Variants in PDIA5 observed in about 807,000 individuals in gnomAD.
PDIA5 encodes the protein protein disulfide-isomerase A5.
PDIA5 carries 58 observed loss-of-function variants against 77.6 expected under a neutral mutation model. That is an observed-to-expected ratio of 0.75 (90% CI 0.61 to 0.93). PDIA5 has a LOEUF of 0.93. PDIA5 is among the 40% of genes least tolerant of loss of function. The probability of loss-of-function intolerance (pLI) is 0.00; values close to 1 mark genes in which losing one functional copy is unlikely to be tolerated. For synonymous variants in PDIA5, 250 were observed against 252.1 expected (o/e 0.99, Z 0.08); for missense variants, 630 against 647.7 (o/e 0.97, Z 0.30).
At chr3:123,159,253 G>A (rs1169422317) in intron 15 of PDIA5, among the ~76,000 whole-genome samples, 1 of 152,248 alleles carries the variant, frequency 6.6e-6, no homozygotes, top group Non-Finnish European at 1.5e-5. Context: ...GGGAAGGAAA[G>A]TATGTGGATG....
intron 2 of PDIA5, 99 bp from the exon 3 acceptor site, chr3:123,092,256 A>G (rs1265475143): frequency 3.3e-6 from 3 of 907,918 alleles, no homozygotes; most frequent in African/African-American, 3.3e-5. Context: ...CACCCCCTCT[A>G]GGATTGGTCT....
At chr3:123,133,778 C>G (rs572581613) in intron 11 of PDIA5, among the ~76,000 whole-genome samples, 21 of 152,192 alleles carry the variant, frequency 1.4e-4, no homozygotes, top group Admixed American at 1.3e-3. Context: ...TTTGAAGTAC[C>G]CCAACAAACC....
chr3:123,161,664 A>C lies in PDIA5; in HGVS notation c.1479+209A>C, dbSNP rs73856861. ...GGGTTGCCACAGATGTCCTGTCCCC[A>C]GAGGCAGGCTGGACTCCAGATGCCG... On this transcript the variant is annotated intron_variant, in intron 16 of 16. Transcript: ENST00000316218. 5,200 of 657,292 alleles carry C rather than the reference A, an allele frequency of 7.9e-3. 205 individuals are homozygous for C. The African/African-American group carries it at 0.084, about 11-fold the overall frequency. The allele number at this position is 657,292 out of a possible 1,614,324, so 40.7% of individuals were successfully genotyped here. A position where few individuals can be genotyped will look rare whatever the true frequency, so the allele number is the denominator to read the frequency against.
rs563602372 is a variant in PDIA5, at chr3:123,082,833, T to C, written c.43-6335T>C. ...TCCTCTCCACCTTGTAGGTGGGGAG[T>C]TGACACTCAGAGGTCTAGTAACAGG... On this transcript the variant is annotated intron_variant, in intron 1 of 16. Coordinates refer to ENST00000316218, the MANE Select transcript of PDIA5 (RefSeq NM_006810.4). 2.6e-5 allele frequency among the ~76,000 whole-genome samples: 4 copies of C among 151,976 alleles called. No homozygotes were observed. The East Asian group carries it at 5.8e-4, about 22-fold the overall frequency.
At chr3:123,070,475 G>T (rs1409296684) in intron 1 of PDIA5, among the ~76,000 whole-genome samples, 3 of 152,182 alleles carry the variant, frequency 2.0e-5, no homozygotes, top group African/African-American at 4.8e-5. Flanking sequence ...GTTGCTTTGG[G>T]AACCCTTAGC....
intron 6 of PDIA5, among the ~76,000 whole-genome samples, chr3:123,110,054 T>C (rs1165776411): frequency 6.6e-6 from 1 of 152,250 alleles, no homozygotes; most frequent in African/African-American, 2.4e-5. Flanking sequence ...TAAAATGTGG[T>C]TGAGCAGCTT....
chr3:123,120,689 A>AT (rs1365002306), intron 8 of PDIA5, among the ~76,000 whole-genome samples: 6 of 152,082 alleles, frequency 3.9e-5, no homozygotes, highest in Admixed American at 3.9e-4. Context: ...CTCCATCTGG[A>AT]TTTTTTCCCT....
chr3:123,157,817 G>A (rs886399976), intron 15 of PDIA5, among the ~76,000 whole-genome samples: 1 of 152,246 alleles, frequency 6.6e-6, no homozygotes, highest in Non-Finnish European at 1.5e-5. Context: ...GTTAGTGTTG[G>A]AACAGATGGT....
chr3:123,089,365 C>T lies in PDIA5; in HGVS notation c.169+71C>T, dbSNP rs1934229043. ...GGGATTCAGGGGAAGGAGTGGGAGG[C>T]AGGAGACGTTAGGATGAAAACCACT... On this transcript the variant is annotated intron_variant, in intron 2 of 16. Coordinates refer to ENST00000316218, the MANE Select transcript of PDIA5 (RefSeq NM_006810.4). The T allele has an allele frequency of 1.6e-5, 24 of 1,499,650 alleles. No individual in the cohort carries two copies. The South Asian group carries it at 2.6e-4, about 16-fold the overall frequency. 92.9% of individuals were successfully genotyped at this position (1,499,650 alleles called of 1,614,324 possible). A position where few individuals can be genotyped will look rare whatever the true frequency, so the allele number is the denominator to read the frequency against.
intron 14 of PDIA5, among the ~76,000 whole-genome samples, chr3:123,150,629 C>T (rs924052668): frequency 1.3e-5 from 2 of 152,064 alleles, no homozygotes; most frequent in African/African-American, 2.4e-5. Context: ...CCTCTGTGCT[C>T]GTCCCCTCTT....
At chr3:123,090,087 C>T (rs551241633) in intron 2 of PDIA5, among the ~76,000 whole-genome samples, 3 of 152,322 alleles carry the variant, frequency 2.0e-5, no homozygotes, top group East Asian at 3.9e-4. Flanking sequence ...CCCGGCAGCT[C>T]GGCCTCAGCA....
chr3:123,123,814 C>G (rs1935174258), intron 8 of PDIA5, among the ~76,000 whole-genome samples: 1 of 152,198 alleles, frequency 6.6e-6, no homozygotes. Flanking sequence ...GGTGGTTCTT[C>G]CTGCAGGGAG....
At chr3:123,096,199 A>G (rs1379183868) in intron 3 of PDIA5, among the ~76,000 whole-genome samples, 1 of 151,542 alleles carries the variant, frequency 6.6e-6, no homozygotes, top group Admixed American at 6.6e-5. Flanking sequence ...GCCCCATTGC[A>G]TGGCCCTTTT....
chr3:123,107,352 G>A (rs1934760940), intron 6 of PDIA5, among the ~76,000 whole-genome samples: 1 of 152,074 alleles, frequency 6.6e-6, no homozygotes. Context: ...AGGTAGAAGG[G>A]TAGATCTAGA....
intron 5 of PDIA5, 30 bp downstream of exon 5, chr3:123,102,826 G>GAA (rs750538000): frequency 5.8e-5 from 85 of 1,478,222 alleles, no homozygotes; most frequent in Middle Eastern, 5.2e-4. Context: ...TCTCAGCAAT[G>GAA]GTGGAGTCTA....
Position 123,124,287 on chromosome 3 carries a change from G to C in PDIA5, c.717G>C (p.Leu239Phe), listed in dbSNP as rs1305312460. The change falls in exon 10 of 17, where the codon TTG (leucine) becomes TTC (phenylalanine). Residue 239 changes from leucine to phenylalanine, a missense_variant. Transcript: ENST00000316218. ...TICYFEKGRF[L>F]FQYDNYGSTA... ...CGTTTCACAGGAAAGGACGGTTCTT[G>C]TTCCAGTATGACAACTATGGGTCCA... The C allele has an allele frequency of 1.2e-6, 2 of 1,613,368 alleles. No individual in the cohort carries two copies. The highest frequency in any genetic ancestry group is 1.7e-5 in the Admixed American group (1 of 59,992).
chr3:123,153,594 C>T (rs956869177), intron 14 of PDIA5, among the ~76,000 whole-genome samples: 1 of 152,108 alleles, frequency 6.6e-6, no homozygotes, highest in Non-Finnish European at 1.5e-5. Context: ...TCTGATATAA[C>T]CCATCACTGG....
At chr3:123,084,521 G>A (rs757172000) in intron 1 of PDIA5, among the ~76,000 whole-genome samples, 1 of 151,960 alleles carries the variant, frequency 6.6e-6, no homozygotes, top group East Asian at 1.9e-4. Context: ...CTCTGAGCCC[G>A]GTCCGTGGGG....
In PDIA5 at chr3:123,138,764, G is replaced by A. The variant is rs3804754; in HGVS notation, c.911-6758G>A. Among the ~76,000 whole-genome samples, 21 of 152,196 alleles carry A rather than the reference G, an allele frequency of 1.4e-4. No individual in the cohort carries two copies. In the East Asian group the frequency reaches 2.5e-3, roughly 18 times the overall value. On this transcript the variant is annotated intron_variant, in intron 11 of 16. Coordinates refer to ENST00000316218, the MANE Select transcript of PDIA5 (RefSeq NM_006810.4). ...GGTCTCTGTAGGCCCCTCCACGCCC[G>A]TATTTCTGCTGGCATTTGTAGGAAA...
Sources: allele counts gnomAD v4.1 joint callset (sites outside exome capture counted in the v4.1 genomes callset), GRCh38; gene constraint gnomAD v4.1.1; transcripts MANE v1.5; gene names NCBI Gene and HGNC (gene_info 2026-07-23, HGNC 2026-07-21).